Variants in SMG5 observed in about 807,000 individuals in gnomAD.
SMG5 encodes SMG5 nonsense mediated mRNA decay factor.
In SMG5, 53 loss-of-function variants were observed where a neutral mutation model predicts 122.9. The observed-to-expected ratio is 0.43, with a 90% CI of 0.35 to 0.54. The LOEUF is 0.54. SMG5 is among the 20% of genes least tolerant of loss of function. The probability of loss-of-function intolerance (pLI) is 0.01; values close to 1 mark genes in which losing one functional copy is unlikely to be tolerated. For synonymous variants in SMG5, 477 were observed against 490.2 expected, an observed-to-expected ratio of 0.97 and a Z score of 0.35; for missense variants, 1,153 against 1,285.6, an observed-to-expected ratio of 0.90 and a Z score of 1.58.
chr1:156,250,128 A>T lies in SMG5; in HGVS notation c.*459T>A, dbSNP rs1661278720. ...GGAGGGGAAGGGTCTGCAGAGAATC[A>T]CTCAGACACCAGGTATTACCCAGCT... On this transcript the variant is annotated 3_prime_UTR_variant, in exon 22 of 22. Coordinates refer to ENST00000361813, the MANE Select transcript of SMG5 (RefSeq NM_015327.3). 5 of 360,986 alleles carry T rather than the reference A, an allele frequency of 1.4e-5. No homozygotes were observed. The highest frequency in any genetic ancestry group is 3.7e-5 in the Admixed American group (1 of 26,910). 22.4% of individuals were successfully genotyped at this position (360,986 alleles called of 1,614,324 possible).
intron 16 of SMG5, among the ~76,000 whole-genome samples, chr1:156,257,856 G>A (rs1661652262): frequency 6.6e-6 from 1 of 152,160 alleles, no homozygotes; most frequent in Non-Finnish European, 1.5e-5. Flanking sequence ...GAAACCCTGA[G>A]GGGTTGCTGA....
At position 156,259,135 on chromosome 1, in the gene SMG5, C is replaced by T. The variant is rs1261109370; in HGVS notation, c.2312G>A (p.Ser771Asn). 1 of 1,599,918 alleles carries T rather than the reference C, an allele frequency of 6.3e-7. No individual in the cohort carries two copies. Among genetic ancestry groups the T allele is most frequent in the African/African-American group, 1.3e-5 (1 of 74,494 alleles). Reference protein sequence around the residue: ...ESVVRICCIRSFGHFIARLQG... With the variant: ...ESVVRICCIRNFGHFIARLQG... ...CAGGCGGGCGATGAAATGACCAAAG[C>T]TGCGGATGCAGCAGATGCGCACCAC... The change falls in exon 16 of 22, where the codon AGC (serine) becomes AAC (asparagine). Residue 771 changes from serine to asparagine, a missense_variant. Ser to Asn is a conservative substitution (Grantham distance 46). This residue lies in a region of SMG5 where 631 missense variants were observed against 650.6 expected (regional missense o/e 0.97). Transcript: ENST00000361813.
rs1572568616 is a variant in SMG5, at chr1:156,250,411, C to G, written c.*176G>C. ...CCTAACGTCTTGGCAACAAAGGGAC[C>G]CCACCCTCCCAGCCGGCTCCTGGGC... On this transcript the variant is annotated 3_prime_UTR_variant, in exon 22 of 22. Coordinates refer to ENST00000361813, the MANE Select transcript of SMG5 (RefSeq NM_015327.3). The G allele has an allele frequency of 1.5e-6, 1 of 649,546 alleles. No homozygotes were observed. Among genetic ancestry groups the G allele is most frequent in the East Asian group, 2.6e-5 (1 of 38,376 alleles). 40.2% of individuals were successfully genotyped at this position (649,546 alleles called of 1,614,324 possible).
chr1:156,250,768 A>G (rs1661311620), intron 21 of SMG5, 90 bp downstream of exon 21: 1 of 1,604,276 alleles, frequency 6.2e-7, no homozygotes, highest in East Asian at 2.2e-5. Context: ...AAGAGAAAAA[A>G]AGGTAGCTAT....
rs181006163 is a variant in SMG5, at chr1:156,265,630, G to A, written c.1855+151C>T. On this transcript the variant is annotated intron_variant, in intron 12 of 21. Coordinates refer to ENST00000361813, the MANE Select transcript of SMG5 (RefSeq NM_015327.3). ...AGTGAGCAGGAGGGTGGACCCTCAGGAAAAAACTCATGGGCTACACCACAG... is the reference window on the plus strand; with the variant it reads ...AGTGAGCAGGAGGGTGGACCCTCAGAAAAAAACTCATGGGCTACACCACAG... 212 of 1,210,978 alleles carry A rather than the reference G, an allele frequency of 1.8e-4. 1 individual carries two copies. The East Asian group carries it at 4.8e-3, about 28-fold the overall frequency. 75.0% of individuals were successfully genotyped at this position (1,210,978 alleles called of 1,614,324 possible). A position where few individuals can be genotyped will look rare whatever the true frequency, so the allele number is the denominator to read the frequency against.
chr1:156,263,861 A>G (rs184687995), intron 12 of SMG5, among the ~76,000 whole-genome samples: 24 of 152,326 alleles, frequency 1.6e-4, no homozygotes, highest in African/African-American at 5.8e-4. Context: ...ACGTTGATCT[A>G]CAGCTATTCA....
chr1:156,270,130 A>C (rs1408068451), intron 7 of SMG5, among the ~76,000 whole-genome samples: 2 of 152,242 alleles, frequency 1.3e-5, no homozygotes, highest in Non-Finnish European at 2.9e-5. Flanking sequence ...ATAAAAAGTG[A>C]GGTATAAAAT....
intron 4 of SMG5, among the ~76,000 whole-genome samples, chr1:156,276,298 T>C (rs1662685531): frequency 6.6e-6 from 1 of 152,160 alleles, no homozygotes; most frequent in South Asian, 2.1e-4. Flanking sequence ...AGCTAATTTT[T>C]ATATTTTTAA....
rs184908754 is a variant in SMG5 at position 156,272,433 on chromosome 1, A to G, written c.635-35T>C. On this transcript the variant is annotated intron_variant, in intron 6 of 21. Coordinates refer to ENST00000361813, the MANE Select transcript of SMG5 (RefSeq NM_015327.3). ...AAGAGAATTCATGCAGTCTAAGGCC[A>G]CAATACTCATTCAAAGCTGCCAGGC... 100 of 1,555,330 alleles carry G rather than the reference A, an allele frequency of 6.4e-5. No homozygotes were observed. In the East Asian group the frequency reaches 2.1e-3, roughly 33 times the overall value.
Position 156,251,388 on chromosome 1 carries a change from G to C in SMG5, c.2828+15C>G. The C allele has an allele frequency of 6.2e-7, 1 of 1,614,056 alleles. No homozygotes were observed. Among genetic ancestry groups the C allele is most frequent in the African/African-American group, 1.3e-5 (1 of 75,060 alleles). Reference sequence around the variant, plus strand: ...AGGTGGCCTGAGGTTCTAGGGGTGAGGGCTAAAATGTTACCAGGCATCTGC... The same window carrying C: ...AGGTGGCCTGAGGTTCTAGGGGTGACGGCTAAAATGTTACCAGGCATCTGC... On this transcript the variant is annotated intron_variant, in intron 20 of 21. Coordinates refer to ENST00000361813, the MANE Select transcript of SMG5 (RefSeq NM_015327.3).
At position 156,282,711 on chromosome 1, in the gene SMG5, A is replaced by C; in HGVS notation, c.-31T>G. On this transcript the variant is annotated 5_prime_UTR_variant, in exon 1 of 22. It removes the in-frame stop codon of an upstream open reading frame in the 5' UTR. Coordinates refer to ENST00000361813, the MANE Select transcript of SMG5 (RefSeq NM_015327.3). ...CCGGGTCCGGGGGCAGCTCCCGGTC[A>C]CAGGCCCCTGCCACCCACCACTACC... 6.3e-7 allele frequency: 1 copy of C among 1,575,386 alleles called. No individual in the cohort carries two copies. Among genetic ancestry groups the C allele is most frequent in the Non-Finnish European group, 8.6e-7 (1 of 1,167,620 alleles).
chr1:156,251,151 G>C, intron 20 of SMG5, 155 bp from the exon 21 acceptor site: 1 of 1,067,396 alleles, frequency 9.4e-7, no homozygotes, highest in Non-Finnish European at 1.4e-6. Context: ...ATGGGGAGCA[G>C]GCAAAGGTGC....
chr1:156,283,868 T>G (rs1043677268), upstream of SMG5, among the ~76,000 whole-genome samples: 1 of 152,208 alleles, frequency 6.6e-6, no homozygotes. Flanking sequence ...CCTATTAAAA[T>G]TGTCTAATTG....
rs200971038 is a variant in SMG5 at position 156,252,965 on chromosome 1, G to A, written c.2616C>T (p.Arg872=). The A allele has an allele frequency of 1.2e-5, 19 of 1,613,028 alleles. No individual in the cohort carries two copies. The highest frequency in any genetic ancestry group is 1.6e-5 in the Non-Finnish European group (19 of 1,179,582). Reference sequence around the variant, plus strand: ...TGAAGCGGCCACTGGTGGCCAGTTGGCGGATGACAGGGAGATGGTGGCAGA... The same window carrying A: ...TGAAGCGGCCACTGGTGGCCAGTTGACGGATGACAGGGAGATGGTGGCAGA... ...QALCHHLPVI[R]QLATSGRFIV... is the part of the protein sequence containing the mutation. Residue 872 remains arginine (R), a synonymous_variant, in exon 18 of 22, where the codon CGC becomes CGT. Coordinates refer to ENST00000361813, the MANE Select transcript of SMG5 (RefSeq NM_015327.3).
chr1:156,276,266 A>T (rs1422753076), intron 4 of SMG5, among the ~76,000 whole-genome samples: 1 of 151,640 alleles, frequency 6.6e-6, no homozygotes, highest in African/African-American at 2.4e-5. Flanking sequence ...AGCTGGGATT[A>T]TAGGTGCACG....
chr1:156,291,230 T>C, the SMG5 span: 1 of 630,840 alleles, frequency 1.6e-6, no homozygotes, highest in Non-Finnish European at 2.8e-6. Context: ...GCCTAATACA[T>C]GTTAAGTGCA....
At chr1:156,269,248 G>A (rs1402429650) in intron 7 of SMG5, among the ~76,000 whole-genome samples, 1 of 151,934 alleles carries the variant, frequency 6.6e-6, no homozygotes, top group African/African-American at 2.4e-5. Flanking sequence ...GGGATTATAG[G>A]CACGAGCCAC....
chr1:156,262,477 GA>G (rs1229479162), intron 13 of SMG5, among the ~76,000 whole-genome samples: 129 of 66,976 alleles, frequency 1.9e-3, no homozygotes, highest in Admixed American at 3.1e-3. Context: ...CTCCATCTCA[GA>G]AAAAAAAAAA....
At chr1:156,278,151 C>G in intron 2 of SMG5, 103 bp from the exon 3 acceptor site, 1 of 1,450,088 alleles carries the variant, frequency 6.9e-7, no homozygotes, top group Non-Finnish European at 9.3e-7. Context: ...ACCAACAAAT[C>G]TCGGTGCTTC....
Sources: allele counts gnomAD v4.1 joint callset (sites outside exome capture counted in the v4.1 genomes callset), GRCh38; gene constraint gnomAD v4.1.1; regional missense constraint gnomAD v4.1.1; transcripts MANE v1.5; gene names NCBI Gene and HGNC (gene_info 2026-07-23, HGNC 2026-07-21).